TRIM16: variants seen among roughly 807,000 people sequenced by gnomAD.
TRIM16 encodes the protein tripartite motif-containing protein 16.
Under a neutral mutation model 50.4 loss-of-function variants are expected in TRIM16, and 33 were observed. That is an observed-to-expected ratio of 0.65 (90% CI 0.50 to 0.88). The LOEUF (loss-of-function observed/expected upper bound fraction) is 0.88. Among genes scored for constraint, TRIM16 ranks in the 40% least tolerant of loss-of-function variants. The pLI is 0.00. For synonymous variants in TRIM16, 229 were observed against 270.7 expected, an observed-to-expected ratio of 0.85 and a Z score of 1.51; for missense variants, 581 against 686.8, an observed-to-expected ratio of 0.85 and a Z score of 1.72.
rs1987727777 is a variant in TRIM16, at chr17:15,651,878, C to G, written c.-269G>C. 7.2e-7 allele frequency: 1 copy of G among 1,396,318 alleles called. No individual in the cohort carries two copies. Among genetic ancestry groups the G allele is most frequent in the African/African-American group, 1.4e-5 (1 of 68,978 alleles). The allele number at this position is 1,396,318 out of a possible 1,614,324, so 86.5% of individuals were successfully genotyped here. On this transcript the variant is annotated 5_prime_UTR_variant, in exon 7 of 12. Transcript: ENST00000649191. The stretch of plus-strand genomic sequence containing the variant: ...TGCCTCCCCAGGTCCAGCCCTGAAA[C>G]TTCTATTCTTATGTGAATCATCTGA...
At chr17:15,655,579 C>CT (rs796123712) in intron 6 of TRIM16, among the ~76,000 whole-genome samples, 3,524 of 146,572 alleles carry the variant, frequency 0.024, 133 homozygotes, top group African/African-American at 0.081. Context: ...TGATCTCTCT[C>CT]TTTTTTTTTT....
At chr17:15,629,352 G>C (rs1465966493) in intron 11 of TRIM16, among the ~76,000 whole-genome samples, 154 bp from the exon 12 acceptor site, 4 of 152,228 alleles carry the variant, frequency 2.6e-5, no homozygotes, top group Non-Finnish European at 5.9e-5. Context: ...TAGGAAATGA[G>C]GTGAGTGAAG....
intron 3 of TRIM16, among the ~76,000 whole-genome samples, chr17:15,681,648 A>G (rs1989187735): frequency 6.6e-6 from 1 of 151,988 alleles, no homozygotes; most frequent in Admixed American, 6.5e-5. Context: ...TTACTTCTCC[A>G]TTTTGATTTT....
rs952752581 is a variant in TRIM16 at position 15,645,659 on chromosome 17, A to G, written c.520-2843T>C. ...CATTATGCCCTAATAGAACTCAGAG[A>G]GCATAAACTGTCTCTCCATTCTCCA... On this transcript the variant is annotated intron_variant, in intron 7 of 11. Coordinates refer to ENST00000649191, the MANE Select transcript of TRIM16 (RefSeq NM_001348119.1). Among the ~76,000 whole-genome samples the G allele has an allele frequency of 8.5e-5, 13 of 152,232 alleles. 1 individual carries two copies. The South Asian group carries it at 2.5e-3, about 29-fold the overall frequency.
At position 15,684,212 on chromosome 17, in the gene TRIM16, T is replaced by A. The variant is rs1597687864; in HGVS notation, c.-915A>T. 1 of 151,694 alleles carries A rather than the reference T, an allele frequency of 6.6e-6. No individual in the cohort carries two copies. The allele number at this position is 151,694 out of a possible 1,614,324, so 9.4% of individuals were successfully genotyped here. On this transcript the variant is annotated 5_prime_UTR_variant, in exon 1 of 12. Transcript: ENST00000649191. ...CACACACACCCTGTCCAGCGTCTGC[T>A]CCTCCCCGGTCCAGACACAGAGAGG...
At chr17:15,637,025 G>A (rs980631180) in intron 8 of TRIM16, among the ~76,000 whole-genome samples, 2 of 148,480 alleles carry the variant, frequency 1.3e-5, no homozygotes, top group Admixed American at 6.6e-5. Flanking sequence ...GTATTCTTAA[G>A]AATTGGTAGG....
intron 9 of TRIM16, chr17:15,632,908 G>A (rs1460043575): frequency 1.5e-5 from 7 of 469,414 alleles, no homozygotes; most frequent in South Asian, 5.4e-5. Flanking sequence ...GAGAACATGG[G>A]ATTTTAAAAA....
chr17:15,638,455 C>T (rs1295514030), intron 8 of TRIM16, among the ~76,000 whole-genome samples: 1 of 148,422 alleles, frequency 6.7e-6, no homozygotes, highest in Non-Finnish European at 1.5e-5. Flanking sequence ...CCTGTAGTCC[C>T]AGCTACTCAG....
intron 6 of TRIM16, among the ~76,000 whole-genome samples, chr17:15,657,775 T>C (rs1988044070): frequency 6.6e-6 from 1 of 152,192 alleles, no homozygotes; most frequent in African/African-American, 2.4e-5. Flanking sequence ...AACTTAAGAA[T>C]TGAGAATCCT....
chr17:15,651,161 C>G lies in TRIM16; in HGVS notation c.449G>C (p.Cys150Ser), dbSNP rs1987676673. 1 of 1,614,194 alleles carries G rather than the reference C, an allele frequency of 6.2e-7. No homozygotes were observed. Among genetic ancestry groups the G allele is most frequent in the Non-Finnish European group, 8.5e-7 (1 of 1,180,036 alleles). Residue 150 changes from cysteine (C) to serine (S), a missense_variant, in exon 7 of 12, where the codon TGC becomes TCC. Coordinates refer to ENST00000649191, the MANE Select transcript of TRIM16 (RefSeq NM_001348119.1). Reference sequence around the variant, plus strand: ...ACTGTGCTCCTGGCAACAGTCCTGGCAGATGCACTGCTGATCAGGGCAGCA... The same window carrying G: ...ACTGTGCTCCTGGCAACAGTCCTGGGAGATGCACTGCTGATCAGGGCAGCA... ...AFCCPDQQCI[C>S]QDCCQEHSGH... is the part of the protein sequence containing the mutation.
chr17:15,647,592 G>A (rs1382984137), intron 7 of TRIM16, among the ~76,000 whole-genome samples: 1 of 152,146 alleles, frequency 6.6e-6, no homozygotes, highest in Non-Finnish European at 1.5e-5. Context: ...CAAAGGTGCA[G>A]TAATTGCACC....
Position 15,681,133 on chromosome 17 carries a change from T to C in TRIM16, c.-678-180A>G, listed in dbSNP as rs1989166442. 5.5e-6 allele frequency: 3 copies of C among 547,444 alleles called. No homozygotes were observed. In the South Asian group the frequency reaches 9.8e-5, roughly 18 times the overall value. 33.9% of individuals were successfully genotyped at this position (547,444 alleles called of 1,614,324 possible). Reference sequence around the variant, plus strand: ...ATAATCTCAGAGGATAGAATGAACATAAACTCAGGGAAAGGTATGACCATT... The same window carrying C: ...ATAATCTCAGAGGATAGAATGAACACAAACTCAGGGAAAGGTATGACCATT... On this transcript the variant is annotated intron_variant, in intron 3 of 11. Transcript: ENST00000649191.
chr17:15,670,050 A>G (rs903104641), intron 6 of TRIM16, among the ~76,000 whole-genome samples: 2 of 152,200 alleles, frequency 1.3e-5, no homozygotes, highest in African/African-American at 4.8e-5. Context: ...TCACTCATTC[A>G]CTCATAAGAA....
intron 8 of TRIM16, among the ~76,000 whole-genome samples, chr17:15,642,123 T>C (rs962560430): frequency 4.0e-5 from 6 of 148,930 alleles, no homozygotes; most frequent in African/African-American, 1.2e-4. Context: ...GGATTACAGG[T>C]GTGAGCCACT....
rs184581459 is a variant in TRIM16 at position 15,652,712 on chromosome 17, G to A, written c.-337-766C>T. Among the ~76,000 whole-genome samples the A allele has an allele frequency of 4.4e-4, 66 of 151,672 alleles. 1 individual carries two copies. Among genetic ancestry groups the A allele is most frequent in the Admixed American group, 3.5e-3 (54 of 15,232 alleles). On this transcript the variant is annotated intron_variant, in intron 6 of 11. Transcript: ENST00000649191. Reference sequence around the variant, plus strand: ...TTGACCTCAGGTGATCTGCCTGCCTGGGCTTCCCAATGTGCTGGGATTACA... The same window carrying A: ...TTGACCTCAGGTGATCTGCCTGCCTAGGCTTCCCAATGTGCTGGGATTACA...
rs137963546 is a variant in TRIM16 at position 15,629,170 on chromosome 17, G to A, written c.1140C>T (p.Asp380=). ...QYAYDITFDP[D]TAHKYLRLQE... ...GCAGCCGGAGATACTTGTGTGCTGT[G>A]TCCGGGTCAAACGTGATGTCATACG... The change falls in exon 12 of 12, where the codon GAC becomes GAT. Residue 380 remains aspartate, a synonymous_variant. Transcript: ENST00000649191. The A allele has an allele frequency of 6.0e-5, 96 of 1,612,292 alleles. No homozygotes were observed. In the African/African-American group the frequency reaches 1.0e-3, roughly 17 times the overall value.
intron 6 of TRIM16, among the ~76,000 whole-genome samples, chr17:15,675,883 C>G (rs1988918873): frequency 1.3e-5 from 2 of 149,086 alleles, no homozygotes; most frequent in African/African-American, 4.9e-5. Flanking sequence ...TTTGCAGATA[C>G]TTGAATGTTT....
Position 15,651,054 on chromosome 17 carries a change from C to A in TRIM16, c.519+37G>T, listed in dbSNP as rs779991124. On this transcript the variant is annotated intron_variant, in intron 7 of 11. Transcript: ENST00000649191. ...AGCTGGGCACACCATCCCCCACCGC[C>A]CTCTCCCAAATGGATGAATGGTCCC... 4.4e-6 allele frequency: 7 copies of A among 1,573,858 alleles called. No individual in the cohort carries two copies. The South Asian group carries it at 8.4e-5, about 19-fold the overall frequency.
chr17:15,651,090 C>T lies in TRIM16; in HGVS notation c.519+1G>A. ...TGGATGAATGGTCCCCAAGCACTCA[C>T]CTCCTTGTCCCTGCGGGCTGCATCC... On this transcript the variant is annotated splice_donor_variant, in intron 7 of 11. Coordinates refer to ENST00000649191, the MANE Select transcript of TRIM16 (RefSeq NM_001348119.1). LOFTEE classifies it high-confidence loss of function. 1 of 1,603,752 alleles carries T rather than the reference C, an allele frequency of 6.2e-7. No individual in the cohort carries two copies. The highest frequency in any genetic ancestry group is 8.5e-7 in the Non-Finnish European group (1 of 1,174,304).
Sources: allele counts gnomAD v4.1 joint callset (sites outside exome capture counted in the v4.1 genomes callset), GRCh38; gene constraint gnomAD v4.1.1; transcripts MANE v1.5; gene names NCBI Gene and HGNC (gene_info 2026-07-23, HGNC 2026-07-21).